The following GREB1 variants were observed in gnomAD, a reference collection of about 807,000 sequenced individuals.
GREB1 encodes the protein growth regulating estrogen receptor binding 1.
A neutral mutation model predicts 200.7 loss-of-function variants in GREB1; 106 were observed. The ratio of observed to expected loss-of-function variants is 0.53; its 90% CI spans 0.45 to 0.62. The LOEUF (loss-of-function observed/expected upper bound fraction) is 0.62. Ranked by LOEUF, GREB1 falls within the 20% of genes least tolerant of loss-of-function variation. The probability of loss-of-function intolerance (pLI) is 0.00; values close to 1 mark genes in which losing one functional copy is unlikely to be tolerated. For synonymous variants in GREB1, 1,132 were observed against 1,092.4 expected (o/e 1.04, Z -0.72); for missense variants, 2,243 against 2,556.8 (o/e 0.88, Z 2.65).
intron 17 of GREB1, 86 bp from the exon 18 acceptor site, chr2:11,610,602 A>G: frequency 9.9e-7 from 1 of 1,014,712 alleles, no homozygotes; most frequent in South Asian, 1.5e-5. Flanking sequence ...TGCCTGTGGT[A>G]GAGTGACGGA....
At position 11,610,693 on chromosome 2, in the gene GREB1, C is replaced by G; in HGVS notation, c.2672C>G (p.Pro891Arg). Reference protein sequence around the residue: ...AMVTALGKRFPRLHSAVIRTF... With the variant: ...AMVTALGKRFRRLHSAVIRTF... Reference sequence around the variant, plus strand: ...TCTCTCTGTGTTCCTTGCAGGTTCCCCCGCCTGCACAGCGCGGTGATCAGG... The same window carrying G: ...TCTCTCTGTGTTCCTTGCAGGTTCCGCCGCCTGCACAGCGCGGTGATCAGG... The change falls in exon 18 of 33, where the codon CCC becomes CGC. Residue 891 changes from proline to arginine, a missense_variant. By Grantham distance (103) the Pro-to-Arg change is moderately radical. This residue lies in a region of GREB1 where 1,178 missense variants were observed against 1,387.4 expected (regional missense o/e 0.85). Transcript: ENST00000381486. The G allele has an allele frequency of 1.2e-6, 2 of 1,608,478 alleles. No homozygotes were observed. The highest frequency in any genetic ancestry group is 1.7e-6 in the Non-Finnish European group (2 of 1,176,982).
chr2:11,636,773 G>GGGGCAGGGGCACGGGCAT (rs1685358521), intron 30 of GREB1, among the ~76,000 whole-genome samples: 4 of 135,718 alleles, frequency 2.9e-5, no homozygotes, highest in African/African-American at 1.0e-4. Flanking sequence ...GGCAGGGGCA[G>GGGGCAGGGGCACGGGCAT]GGGCAGGGGC....
At chr2:11,549,386 C>T (rs1024592787) in intron 1 of GREB1, among the ~76,000 whole-genome samples, 2 of 151,138 alleles carry the variant, frequency 1.3e-5, no homozygotes, top group African/African-American at 2.4e-5. Flanking sequence ...TACTTTAAGA[C>T]GAAAAAAAAG....
intron 1 of GREB1, among the ~76,000 whole-genome samples, chr2:11,505,051 C>T (rs761883541): frequency 1.3e-5 from 2 of 152,206 alleles, no homozygotes; most frequent in Non-Finnish European, 2.9e-5. Context: ...CTTGCCTCAG[C>T]CTCCTAAGTA....
intron 3 of GREB1, among the ~76,000 whole-genome samples, chr2:11,565,182 G>C (rs548727021): frequency 6.6e-6 from 1 of 152,294 alleles, no homozygotes; most frequent in Admixed American, 6.5e-5. Context: ...AAATCACTCA[G>C]CCTCTCTGAG....
intron 1 of GREB1, among the ~76,000 whole-genome samples, chr2:11,525,967 T>C (rs1673860196): frequency 6.6e-6 from 1 of 152,206 alleles, no homozygotes; most frequent in Non-Finnish European, 1.5e-5. Flanking sequence ...GGAGAGTAAC[T>C]CTGCTGTCAT....
chr2:11,544,054 C>T (rs1326809880), intron 1 of GREB1, among the ~76,000 whole-genome samples: 1 of 152,076 alleles, frequency 6.6e-6, no homozygotes, highest in Non-Finnish European at 1.5e-5. Context: ...TGGGACTCAG[C>T]GCTGTTGTTG....
At chr2:11,487,739 TTG>T (rs1672687847) in intron 1 of GREB1, among the ~76,000 whole-genome samples, 1 of 152,246 alleles carries the variant, frequency 6.6e-6, no homozygotes, top group Admixed American at 6.5e-5. Flanking sequence ...ATTTTGTTTC[TTG>T]TGTTTCCTCC....
intron 2 of GREB1, among the ~76,000 whole-genome samples, chr2:11,557,743 T>C (rs542763114): frequency 6.6e-6 from 1 of 152,354 alleles, no homozygotes; most frequent in South Asian, 2.1e-4. Flanking sequence ...CAAATGGCCC[T>C]TCTAAACCCC....
intron 17 of GREB1, among the ~76,000 whole-genome samples, chr2:11,603,436 C>T (rs1681963380): frequency 6.6e-6 from 1 of 152,148 alleles, no homozygotes; most frequent in Non-Finnish European, 1.5e-5. Context: ...AGCTATTAAG[C>T]ATAAAGGGGT....
rs781544805 is a variant in GREB1, at chr2:11,633,217, G to T, written c.4991+154G>T. On this transcript the variant is annotated intron_variant, in intron 28 of 32. Transcript: ENST00000381486. This position sits in a 1 kb window ranked among gnomAD's most constrained non-coding sequence, Gnocchi z 4.1. ...GTGGTTGTGGTTCCCAGAGTCCTGG[G>T]TGTGGTAAAAGTGAGCTCATGTGCC... is the stretch of plus-strand genomic sequence containing the variant. 6.6e-6 allele frequency among the ~76,000 whole-genome samples: 1 copy of T among 152,140 alleles called. No homozygotes were observed. The highest frequency in any genetic ancestry group is 1.5e-5 in the Non-Finnish European group (1 of 68,024).
At chr2:11,552,750 G>C (rs540685094) in intron 1 of GREB1, among the ~76,000 whole-genome samples, 3 of 152,052 alleles carry the variant, frequency 2.0e-5, no homozygotes, top group Admixed American at 6.5e-5. Context: ...GGTGGCTCAC[G>C]CCTGTAATCC....
chr2:11,523,191 A>C (rs550103141), intron 1 of GREB1, among the ~76,000 whole-genome samples: 8 of 152,278 alleles, frequency 5.3e-5, no homozygotes, highest in African/African-American at 1.9e-4. Flanking sequence ...GAACCAATGG[A>C]CACACAGGGA....
chr2:11,551,370 G>T (rs1484328991), intron 1 of GREB1, among the ~76,000 whole-genome samples: 4 of 152,200 alleles, frequency 2.6e-5, no homozygotes, highest in Non-Finnish European at 5.9e-5. Flanking sequence ...AGGTCCTATT[G>T]AAAGAGTGTC....
At chr2:11,565,433 C>G (rs1434066602) in intron 3 of GREB1, among the ~76,000 whole-genome samples, 1 of 152,184 alleles carries the variant, frequency 6.6e-6, no homozygotes, top group African/African-American at 2.4e-5. Flanking sequence ...TCTTCATGAC[C>G]TCCTGTAGAG....
chr2:11,505,704 G>A (rs939599370), intron 1 of GREB1, among the ~76,000 whole-genome samples: 6 of 152,014 alleles, frequency 3.9e-5, no homozygotes, highest in African/African-American at 7.2e-5. Flanking sequence ...AAAATTAGCC[G>A]GGCGTGGTGA....
intron 2 of GREB1, 129 bp from the exon 3 acceptor site, chr2:11,562,334 C>A: frequency 2.5e-6 from 3 of 1,179,840 alleles, no homozygotes; most frequent in Non-Finnish European, 1.2e-6. Context: ...TGGGTGGAAC[C>A]CATTCTGGAT....
chr2:11,620,816 A>C (rs1216297367), intron 22 of GREB1, 89 bp from the exon 23 acceptor site: 4 of 733,198 alleles, frequency 5.5e-6, no homozygotes, highest in Non-Finnish European at 9.9e-6. Context: ...AGTGAGGCAG[A>C]TGTCAGGAGC....
chr2:11,503,142 A>C lies in GREB1; in HGVS notation c.-159+20761A>C, dbSNP rs550709700. ...TCCCCACCTGGCTTGGCTGTTGTAC[A>C]TGGCCCCAGACAGTAAAAAGAAAGA... On this transcript the variant is annotated intron_variant, in intron 1 of 2. Coordinates refer to the GREB1 transcript ENST00000628795. Among the ~76,000 whole-genome samples, 538 of 152,138 alleles carry C rather than the reference A, an allele frequency of 3.5e-3. 16 individuals are homozygous for C. Among genetic ancestry groups the C allele is most frequent in the Admixed American group, 0.031 (475 of 15,290 alleles).
Sources: allele counts gnomAD v4.1 joint callset (sites outside exome capture counted in the v4.1 genomes callset), GRCh38; gene constraint gnomAD v4.1.1; regional missense constraint gnomAD v4.1.1; non-coding constraint Gnocchi (gnomAD v3.1); transcripts MANE v1.5; gene names NCBI Gene and HGNC (gene_info 2026-07-23, HGNC 2026-07-21).